MRPL48: variants seen among roughly 807,000 people sequenced by gnomAD.
MRPL48 encodes the protein large ribosomal subunit protein mL48.
Under a neutral mutation model 32.9 loss-of-function variants are expected in MRPL48, and 16 were observed. That is an observed-to-expected ratio of 0.49 (90% CI 0.33 to 0.74). The LOEUF (loss-of-function observed/expected upper bound fraction) is 0.74, where lower values mean the gene tolerates loss of function less well. Among genes scored for constraint, MRPL48 ranks in the 30% least tolerant of loss-of-function variants. MRPL48 has a pLI of 0.02. For missense variants in MRPL48, 206 were observed against 245.3 expected, an observed-to-expected ratio of 0.84 and a Z score of 1.07; for synonymous variants, 94 against 89.2, an observed-to-expected ratio of 1.05 and a Z score of -0.31.
At chr11:73,850,676 C>CA (rs1408927645) in intron 5 of MRPL48, 21 of 233,928 alleles carry the variant, frequency 9.0e-5, no homozygotes, top group African/African-American at 6.2e-4. Context: ...CTGGGCTATA[C>CA]AATTTTTTTT....
intron 1 of MRPL48, among the ~76,000 whole-genome samples, chr11:73,801,097 C>A (rs1947356092): frequency 6.6e-6 from 1 of 152,182 alleles, no homozygotes; most frequent in Non-Finnish European, 1.5e-5. Flanking sequence ...AGGCGTGAGC[C>A]ACTGGGCCTG....
rs564762984 is a variant in MRPL48, at chr11:73,798,906, G to A, written c.22-6121G>A. Among the ~76,000 whole-genome samples the A allele has an allele frequency of 9.9e-5, 15 of 151,030 alleles. No individual in the cohort carries two copies. In the South Asian group the frequency reaches 2.9e-3, roughly 30 times the overall value. On this transcript the variant is annotated intron_variant, in intron 1 of 7. Transcript: ENST00000310614. ...CTCAGGAAGCTGAGGCCGGAGAATC[G>A]CTTGAACCTGAGAGGCGGAGGTTGT...
At chr11:73,814,164 G>A (rs1463689776) in intron 3 of MRPL48, among the ~76,000 whole-genome samples, 1 of 151,648 alleles carries the variant, frequency 6.6e-6, no homozygotes, top group African/African-American at 2.4e-5. Flanking sequence ...AGGTTGAGGG[G>A]AAGATCACCT....
chr11:73,795,196 G>A (rs1266756770), intron 1 of MRPL48, among the ~76,000 whole-genome samples: 1 of 152,142 alleles, frequency 6.6e-6, no homozygotes, highest in East Asian at 1.9e-4. Flanking sequence ...GATTACAGGT[G>A]TGAGCCACTG....
chr11:73,837,068 A>C (rs1462818427), intron 4 of MRPL48, among the ~76,000 whole-genome samples: 1 of 152,228 alleles, frequency 6.6e-6, no homozygotes, highest in African/African-American at 2.4e-5. Context: ...ACTTAACCCC[A>C]AATCATTCAA....
chr11:73,855,356 T>A (rs1948467127), intron 5 of MRPL48, among the ~76,000 whole-genome samples: 1 of 151,906 alleles, frequency 6.6e-6, no homozygotes, highest in African/African-American at 2.4e-5. Context: ...CTGCCTTGCC[T>A]CTCTTCACAC....
chr11:73,838,449 T>C (rs1364525962), intron 4 of MRPL48, among the ~76,000 whole-genome samples: 4 of 152,190 alleles, frequency 2.6e-5, no homozygotes, highest in Admixed American at 6.5e-5. Context: ...AGCTTTCTTT[T>C]CTTTGTTCCC....
intron 4 of MRPL48, among the ~76,000 whole-genome samples, chr11:73,827,951 C>T (rs1947928265): frequency 6.6e-6 from 1 of 152,174 alleles, no homozygotes; most frequent in Non-Finnish European, 1.5e-5. Flanking sequence ...TGCCTTGTGA[C>T]TTTGGGTAAG....
chr11:73,849,010 T>A (rs1590997386), intron 5 of MRPL48, among the ~76,000 whole-genome samples: 1 of 151,892 alleles, frequency 6.6e-6, no homozygotes, highest in East Asian at 1.9e-4. Context: ...TTTAGTAGAG[T>A]TGGGGTTTGC....
chr11:73,799,387 GTTCAT>G (rs775129457), intron 1 of MRPL48, among the ~76,000 whole-genome samples: 38 of 152,242 alleles, frequency 2.5e-4, no homozygotes, highest in Non-Finnish European at 3.7e-4. Flanking sequence ...TCAAGGTGTT[GTTCAT>G]CTTGGAATAA....
At chr11:73,858,623 C>T (rs1482776856) in intron 5 of MRPL48, among the ~76,000 whole-genome samples, 1 of 152,110 alleles carries the variant, frequency 6.6e-6, no homozygotes, top group Non-Finnish European at 1.5e-5. Flanking sequence ...AGGGCCATGC[C>T]CCTTGCTATT....
chr11:73,850,678 ATT>A (rs34562115), intron 5 of MRPL48: 514 of 184,730 alleles, frequency 2.8e-3, no homozygotes, highest in South Asian at 6.3e-3. Flanking sequence ...GGGCTATACA[ATT>A]TTTTTTTTTT....
At chr11:73,863,929 CTGG>C (rs1198830518) in intron 7 of MRPL48, among the ~76,000 whole-genome samples, 1 of 152,148 alleles carries the variant, frequency 6.6e-6, no homozygotes, top group Non-Finnish European at 1.5e-5. Context: ...ACAGCATGTG[CTGG>C]TCATGCTGCC....
intron 1 of MRPL48, chr11:73,789,326 A>G (rs1412028705): frequency 6.6e-6 from 1 of 152,172 alleles, no homozygotes; most frequent in East Asian, 1.9e-4. Context: ...GTTTCACCAT[A>G]TTGCTCAGGC....
intron 4 of MRPL48, among the ~76,000 whole-genome samples, chr11:73,840,161 A>C (rs924185917): frequency 6.6e-6 from 1 of 152,030 alleles, no homozygotes; most frequent in African/African-American, 2.4e-5. Flanking sequence ...AAATAAATAA[A>C]AATAAAAAAT....
chr11:73,856,331 T>C (rs1194534511), intron 5 of MRPL48, among the ~76,000 whole-genome samples: 1 of 152,178 alleles, frequency 6.6e-6, no homozygotes, highest in Admixed American at 6.5e-5. Flanking sequence ...CTTAATCCAT[T>C]TTTCCTTGGG....
chr11:73,808,494 A>G, intron 3 of MRPL48, 144 bp downstream of exon 3: 7 of 770,686 alleles, frequency 9.1e-6, no homozygotes, highest in Non-Finnish European at 1.3e-5. Flanking sequence ...AGCATGGAAT[A>G]GAACCATGGG....
intron 5 of MRPL48, among the ~76,000 whole-genome samples, chr11:73,853,661 C>A (rs951743209): frequency 1.6e-5 from 2 of 128,106 alleles, no homozygotes; most frequent in Non-Finnish European, 3.4e-5. Context: ...TTTCAGCTGG[C>A]GGGAATTAGA....
chr11:73,825,599 A>AT, intron 3 of MRPL48, 109 bp from the exon 4 acceptor site: 1 of 929,670 alleles, frequency 1.1e-6, no homozygotes, highest in Non-Finnish European at 1.6e-6. Context: ...ATGAGCTATG[A>AT]GATGGCATTA....
Sources: allele counts gnomAD v4.1 joint callset (sites outside exome capture counted in the v4.1 genomes callset), GRCh38; gene constraint gnomAD v4.1.1; transcripts MANE v1.5; gene names NCBI Gene and HGNC (gene_info 2026-07-23, HGNC 2026-07-21).